Variants in AMBRA1 observed in about 807,000 individuals in gnomAD.
AMBRA1 encodes the protein autophagy and beclin 1 regulator 1.
AMBRA1 carries 47 observed loss-of-function variants against 125.4 expected under a neutral mutation model. The ratio of observed to expected loss-of-function variants is 0.37; its 90% confidence interval spans 0.30 to 0.48. AMBRA1 has a LOEUF of 0.48. AMBRA1 is among the 20% of genes least tolerant of loss of function. The pLI is 0.99. For missense variants in AMBRA1, 1,331 were observed against 1,693.4 expected, an observed-to-expected ratio of 0.79 and a Z score of 3.76; for synonymous variants, 626 against 655.5, an observed-to-expected ratio of 0.95 and a Z score of 0.69.
At chr11:46,585,725 C>T (rs2044373974) in intron 1 of AMBRA1, among the ~76,000 whole-genome samples, 3 of 79,350 alleles carry the variant, frequency 3.8e-5, no homozygotes, top group South Asian at 4.1e-4. Context: ...TATATATATT[C>T]CTAGCTTCCC....
At chr11:46,469,425 T>C (rs890715446) in intron 11 of AMBRA1, among the ~76,000 whole-genome samples, 7 of 151,900 alleles carry the variant, frequency 4.6e-5, no homozygotes, top group Admixed American at 1.3e-4. Flanking sequence ...AAAAGAAACA[T>C]TGGGGACAGC....
At chr11:46,561,047 T>TTAA (rs1326318996) in intron 1 of AMBRA1, among the ~76,000 whole-genome samples, 1 of 152,110 alleles carries the variant, frequency 6.6e-6, no homozygotes, top group Non-Finnish European at 1.5e-5. Context: ...GAGCACCACA[T>TTAA]TGCCCCCAAT....
rs1387696828 is a variant in AMBRA1, at chr11:46,547,153, G to C, written c.338C>G (p.Ser113Cys). 1 of 1,613,822 alleles carries C rather than the reference G, an allele frequency of 6.2e-7. No individual in the cohort carries two copies. The highest frequency in any genetic ancestry group is 1.7e-5 in the Admixed American group (1 of 59,950). ...FHPTISGLIA[S>C]GCLDGEVRIW... is the part of the protein sequence containing the mutation. ...CCTAACCTCCCCATCTAGGCAGCCA[G>C]AAGCAATAAGGCCTGAGATGGTGGG... Residue 113 changes from serine (S) to cysteine (C), a missense_variant, in exon 4 of 18, where the codon TCT (serine) becomes TGT (cysteine). Around this residue, in one of 4 missense-constraint regions of AMBRA1, gnomAD observed 144 missense variants for 250.4 expected, o/e 0.58. Transcript: ENST00000683756.
chr11:46,447,722 AGATAGAT>A (rs1480560501), intron 11 of AMBRA1, among the ~76,000 whole-genome samples: 3 of 26,364 alleles, frequency 1.1e-4, no homozygotes, highest in African/African-American at 2.0e-4. Flanking sequence ...ATAGATAGAT[AGATAGAT>A]AGATAGATAG....
intron 7 of AMBRA1, among the ~76,000 whole-genome samples, chr11:46,539,213 T>C (rs977360053): frequency 1.1e-4 from 16 of 152,074 alleles, no homozygotes; most frequent in Non-Finnish European, 1.5e-4. Flanking sequence ...TTATATATGT[T>C]TGAAGATTTC....
At chr11:46,548,538 G>T (rs1395989482) in intron 1 of AMBRA1, 38 bp from the exon 2 acceptor site, 2 of 795,060 alleles carry the variant, frequency 2.5e-6, no homozygotes, top group Non-Finnish European at 3.8e-6. Context: ...AACGACTTCT[G>T]CAACGAGAAG....
At chr11:46,469,718 G>A (rs1949494489) in intron 11 of AMBRA1, among the ~76,000 whole-genome samples, 1 of 151,992 alleles carries the variant, frequency 6.6e-6, no homozygotes, top group Non-Finnish European at 1.5e-5. Flanking sequence ...AGGGTGGAGT[G>A]CAGTGGTACG....
intron 15 of AMBRA1, among the ~76,000 whole-genome samples, chr11:46,411,473 C>G (rs1470865914): frequency 1.3e-5 from 2 of 152,186 alleles, no homozygotes; most frequent in African/African-American, 4.8e-5. Flanking sequence ...GCCTCCAAAT[C>G]TGCCTTTTTT....
At chr11:46,589,813 G>A (rs1478872128) in intron 1 of AMBRA1, among the ~76,000 whole-genome samples, 1 of 151,598 alleles carries the variant, frequency 6.6e-6, no homozygotes, top group Non-Finnish European at 1.5e-5. Flanking sequence ...TAGTAGAGAA[G>A]GGGTTTCACC....
chr11:46,475,313 A>G (rs1174315499), intron 11 of AMBRA1, among the ~76,000 whole-genome samples: 1 of 152,270 alleles, frequency 6.6e-6, no homozygotes, highest in Non-Finnish European at 1.5e-5. Context: ...GCTAACGTTC[A>G]ACGTTTAAGA....
intron 14 of AMBRA1, among the ~76,000 whole-genome samples, chr11:46,424,760 A>G (rs1947031728): frequency 6.6e-6 from 1 of 152,140 alleles, no homozygotes; most frequent in African/African-American, 2.4e-5. Flanking sequence ...GGATTGCTTG[A>G]GCCCAGTTAT....
At chr11:46,547,967 G>A in intron 2 of AMBRA1, 92 bp from the exon 3 acceptor site, 3 of 1,424,136 alleles carry the variant, frequency 2.1e-6, no homozygotes, top group Non-Finnish European at 2.9e-6. Context: ...TTCTAGATTA[G>A]CATTCACAGT....
intron 1 of AMBRA1, among the ~76,000 whole-genome samples, chr11:46,581,135 C>T (rs1017934358): frequency 2.6e-5 from 4 of 151,962 alleles, no homozygotes; most frequent in African/African-American, 9.7e-5. Context: ...TCATGATACT[C>T]ATGCTTAAAA....
intron 11 of AMBRA1, among the ~76,000 whole-genome samples, chr11:46,455,882 G>A (rs1240723168): frequency 6.6e-6 from 1 of 152,186 alleles, no homozygotes; most frequent in Non-Finnish European, 1.5e-5. Flanking sequence ...TTTACAGGGT[G>A]GCTGGTGGCT....
At chr11:46,514,021 C>T (rs927070159) in intron 7 of AMBRA1, among the ~76,000 whole-genome samples, 1 of 152,010 alleles carries the variant, frequency 6.6e-6, no homozygotes, top group African/African-American at 2.4e-5. Context: ...GCTCCTGCCC[C>T]AGAACATGTT....
intron 15 of AMBRA1, among the ~76,000 whole-genome samples, chr11:46,416,293 C>T (rs1487833763): frequency 1.3e-5 from 2 of 152,254 alleles, no homozygotes; most frequent in East Asian, 3.9e-4. Flanking sequence ...GGACTAGGGA[C>T]AGGCCAGAAG....
chr11:46,408,505 G>C lies in AMBRA1; in HGVS notation c.3403+8C>G. 6.5e-7 allele frequency: 1 copy of C among 1,532,708 alleles called. No individual in the cohort carries two copies. Among genetic ancestry groups the C allele is most frequent in the Non-Finnish European group, 8.8e-7 (1 of 1,135,252 alleles). 94.9% of individuals were successfully genotyped at this position (1,532,708 alleles called of 1,614,324 possible). A position where few individuals can be genotyped will look rare whatever the true frequency, so the allele number is the denominator to read the frequency against. On this transcript the variant is annotated splice_region_variant and intron_variant, in intron 17 of 17. Coordinates refer to ENST00000683756, the MANE Select transcript of AMBRA1 (RefSeq NM_001387011.1). ...CTCCCACCCCCTCCAGCGCCACATG[G>C]CTCCTACCTTCACCAGGACCTGAGG...
chr11:46,486,952 AATAC>A (rs1490331048), intron 11 of AMBRA1, among the ~76,000 whole-genome samples: 1 of 138,224 alleles, frequency 7.2e-6, no homozygotes, highest in African/African-American at 2.7e-5. Flanking sequence ...TAAATAAATA[AATAC>A]AAATAAAAGA....
intron 11 of AMBRA1, among the ~76,000 whole-genome samples, chr11:46,473,823 T>A (rs142196448): frequency 0.017 from 2,520 of 152,322 alleles, 47 homozygotes; most frequent in Admixed American, 0.057. Context: ...GCTAACTTTT[T>A]GTATTTTTAG....
Sources: allele counts gnomAD v4.1 joint callset (sites outside exome capture counted in the v4.1 genomes callset), GRCh38; gene constraint gnomAD v4.1.1; regional missense constraint gnomAD v4.1.1; transcripts MANE v1.5; gene names NCBI Gene and HGNC (gene_info 2026-07-23, HGNC 2026-07-21).